The following PAFAH1B1 variants were observed in gnomAD, a reference collection of about 807,000 sequenced individuals.
PAFAH1B1 encodes platelet activating factor acetylhydrolase 1b regulatory subunit 1.
Under a neutral mutation model 57.5 loss-of-function variants are expected in PAFAH1B1, and 2 were observed. That is an observed-to-expected ratio of 0.03 (90% CI 0.01 to 0.11). PAFAH1B1 has a LOEUF of 0.11. Among genes scored for constraint, PAFAH1B1 ranks in the 10% least tolerant of loss-of-function variants. The probability of loss-of-function intolerance (pLI) is 1.00; values close to 1 mark genes in which losing one functional copy is unlikely to be tolerated. For synonymous variants in PAFAH1B1, 152 were observed against 169.6 expected, an observed-to-expected ratio of 0.90 and a Z score of 0.81; for missense variants, 257 against 512.0, an observed-to-expected ratio of 0.50 and a Z score of 4.81.
chr17:2,650,566 G>A (rs2151644040), intron 2 of PAFAH1B1, among the ~76,000 whole-genome samples: 1 of 149,468 alleles, frequency 6.7e-6, no homozygotes, highest in South Asian at 2.1e-4. Flanking sequence ...TACCTGGGAG[G>A]CCTCAGTGGG....
At chr17:2,670,087 G>C in intron 5 of PAFAH1B1, 76 bp from the exon 6 acceptor site, 1 of 1,198,556 alleles carries the variant, frequency 8.3e-7, no homozygotes, top group Admixed American at 1.7e-5. Context: ...GTGCCAGACT[G>C]GCCTGCTGAG....
intron 4 of PAFAH1B1, among the ~76,000 whole-genome samples, chr17:2,666,395 A>T (rs968625646): frequency 6.6e-6 from 1 of 152,200 alleles, no homozygotes; most frequent in African/African-American, 2.4e-5. Flanking sequence ...TAATGCTGGG[A>T]AAAGAACACT....
intron 1 of PAFAH1B1, among the ~76,000 whole-genome samples, chr17:2,608,036 A>G (rs891955900): frequency 4.6e-5 from 7 of 151,712 alleles, no homozygotes; most frequent in African/African-American, 1.7e-4. Context: ...ATATATGTAG[A>G]TCTAGTTTAT....
At chr17:2,595,435 T>TTTTTTTTTC (rs1188566045) in intron 1 of PAFAH1B1, among the ~76,000 whole-genome samples, 1 of 150,894 alleles carries the variant, frequency 6.6e-6, no homozygotes, top group African/African-American at 2.5e-5. Flanking sequence ...TTTTTTTTTT[T>TTTTTTTTTC]TTGCTGCAGC....
rs1368276156 is a variant in PAFAH1B1, at chr17:2,643,049, CT to C, written c.32+4732del. Among the ~76,000 whole-genome samples, 3 of 146,588 alleles carry C rather than the reference CT, an allele frequency of 2.0e-5. No individual in the cohort carries two copies. In the East Asian group the frequency reaches 5.8e-4, roughly 28 times the overall value. ...GATATATATCTTCTTATTTCTCCCTCTTTCTTAAATAAAAGTAGCATACTGT... is the reference window on the plus strand; with the variant it reads ...GATATATATCTTCTTATTTCTCCCTCTTCTTAAATAAAAGTAGCATACTGT... On this transcript the variant is annotated intron_variant, in intron 2 of 10. Coordinates refer to ENST00000397195, the MANE Select transcript of PAFAH1B1 (RefSeq NM_000430.4).
intron 2 of PAFAH1B1, among the ~76,000 whole-genome samples, chr17:2,651,656 C>G (rs1015948681): frequency 7.3e-6 from 1 of 136,972 alleles, no homozygotes. Context: ...TTTTGTAAAC[C>G]TCCTTGCTTC....
At chr17:2,678,241 A>T (rs185601629) in intron 9 of PAFAH1B1, among the ~76,000 whole-genome samples, 1 of 152,106 alleles carries the variant, frequency 6.6e-6, no homozygotes, top group East Asian at 1.9e-4. Context: ...ATCGCTGCTA[A>T]AAACACAAAA....
intron 9 of PAFAH1B1, among the ~76,000 whole-genome samples, chr17:2,679,420 A>ATTG (rs2069331137): frequency 6.8e-6 from 1 of 146,488 alleles, no homozygotes; most frequent in Non-Finnish European, 1.5e-5. Context: ...ATGGATGGAT[A>ATTG]GATGGATGAT....
chr17:2,677,911 T>C (rs372411531), intron 9 of PAFAH1B1, among the ~76,000 whole-genome samples: 14 of 152,252 alleles, frequency 9.2e-5, no homozygotes, highest in African/African-American at 3.1e-4. Flanking sequence ...AGTAGTATTC[T>C]GAGCGGAGTT....
intron 1 of PAFAH1B1, among the ~76,000 whole-genome samples, chr17:2,612,455 G>A (rs972548480): frequency 3.3e-5 from 5 of 151,984 alleles, no homozygotes; most frequent in Admixed American, 6.6e-5. Context: ...TGATCTGCCC[G>A]CCTCAGCCTC....
chr17:2,676,061 C>T (rs766615736), intron 8 of PAFAH1B1, among the ~76,000 whole-genome samples: 12 of 152,080 alleles, frequency 7.9e-5, no homozygotes, highest in Non-Finnish European at 1.6e-4. Flanking sequence ...GTGTGAAAGA[C>T]TTGTGTATTT....
intron 1 of PAFAH1B1, among the ~76,000 whole-genome samples, chr17:2,615,903 TAGAC>T (rs1312576095): frequency 1.3e-5 from 2 of 151,838 alleles, no homozygotes; most frequent in Non-Finnish European, 2.9e-5. Context: ...GGTGATAAGG[TAGAC>T]AGACTGAGAA....
Position 2,684,031 on chromosome 17 carries a change from C to T in PAFAH1B1, c.*2229C>T, listed in dbSNP as rs796108225. 3 of 152,626 alleles carry T rather than the reference C, an allele frequency of 2.0e-5. No homozygotes were observed. The highest frequency in any genetic ancestry group is 2.1e-4 in the South Asian group (1 of 4,830). 9.5% of individuals were successfully genotyped at this position (152,626 alleles called of 1,614,324 possible). A position where few individuals can be genotyped will look rare whatever the true frequency, so the allele number is the denominator to read the frequency against. On this transcript the variant is annotated 3_prime_UTR_variant, in exon 11 of 11. Transcript: ENST00000397195. ...GCGTGTCTTCCCCTGCAGCACACAGCGACTTGCGTTGACAAAGGAGGAGGA... is the reference window on the plus strand; with the variant it reads ...GCGTGTCTTCCCCTGCAGCACACAGTGACTTGCGTTGACAAAGGAGGAGGA...
intron 2 of PAFAH1B1, among the ~76,000 whole-genome samples, chr17:2,649,934 G>A (rs1319639552): frequency 6.6e-6 from 1 of 152,208 alleles, no homozygotes; most frequent in Non-Finnish European, 1.5e-5. Flanking sequence ...GGTATTAAAA[G>A]CCTTAATGTT....
chr17:2,622,041 C>T (rs1467943668), intron 1 of PAFAH1B1, among the ~76,000 whole-genome samples: 2 of 152,086 alleles, frequency 1.3e-5, no homozygotes, highest in African/African-American at 2.4e-5. Context: ...TTCACTATCA[C>T]GAGAATAGCA....
At chr17:2,642,685 AT>A (rs1404490257) in intron 2 of PAFAH1B1, among the ~76,000 whole-genome samples, 1 of 152,212 alleles carries the variant, frequency 6.6e-6, no homozygotes, top group Admixed American at 6.5e-5. Context: ...CCGGGAAAGG[AT>A]TGAGAATTCG....
At chr17:2,604,205 T>G (rs2068178632) in intron 1 of PAFAH1B1, among the ~76,000 whole-genome samples, 1 of 151,808 alleles carries the variant, frequency 6.6e-6, no homozygotes, top group Non-Finnish European at 1.5e-5. Context: ...ACCCGGCTAA[T>G]TTTTGTATTT....
Position 2,593,725 on chromosome 17 carries a change from A to G in PAFAH1B1, c.-472A>G. On this transcript the variant is annotated 5_prime_UTR_variant, in exon 1 of 11. Transcript: ENST00000397195. ...AGAGCGAGTGAGCGAGCGGAGGAGC[A>G]GCGACACGGGAGTCTAGGGAGCGAG... 1 of 306,370 alleles carries G rather than the reference A, an allele frequency of 3.3e-6. No homozygotes were observed. The highest frequency in any genetic ancestry group is 5.9e-6 in the Non-Finnish European group (1 of 168,366). 19.0% of individuals were successfully genotyped at this position (306,370 alleles called of 1,614,324 possible). A position where few individuals can be genotyped will look rare whatever the true frequency, so the allele number is the denominator to read the frequency against.
chr17:2,649,208 CTG>C (rs2068815548), intron 2 of PAFAH1B1, among the ~76,000 whole-genome samples: 6 of 138,884 alleles, frequency 4.3e-5, no homozygotes, highest in African/African-American at 1.7e-4. Context: ...CAAAGCAAGA[CTG>C]TCTCAAAAAA....
Sources: gnomAD v4.1 joint callset for allele counts (sites outside exome capture counted in the v4.1 genomes callset) on GRCh38, gnomAD v4.1.1 for gene constraint, MANE v1.5 for transcripts, NCBI Gene and HGNC (gene_info 2026-07-23, HGNC 2026-07-21) for gene names.